C2CD3: variants seen among roughly 807,000 people sequenced by gnomAD.
C2CD3 encodes the protein C2 domain-containing protein 3.
Under a neutral mutation model 234.0 loss-of-function variants are expected in C2CD3, and 148 were observed. That is an observed-to-expected ratio of 0.63 (90% CI 0.55 to 0.72). The LOEUF is 0.72. Ranked by LOEUF, C2CD3 falls within the 30% of genes least tolerant of loss-of-function variation. C2CD3 has a pLI of 0.00. For missense variants in C2CD3, 2,577 were observed against 2,811.5 expected (o/e 0.92, Z 1.89); for synonymous variants, 1,000 against 1,035.4 (o/e 0.97, Z 0.66).
chr11:74,034,539 T>C, intron 30 of C2CD3: 1 of 1,613,120 alleles, frequency 6.2e-7, no homozygotes, highest in South Asian at 1.1e-5. Context: ...TATCTGCTCA[T>C]GCTCAGGAAT....
chr11:74,023,522 C>T (rs2135404276), intron 32 of C2CD3, among the ~76,000 whole-genome samples: 1 of 152,356 alleles, frequency 6.6e-6, no homozygotes, highest in Middle Eastern at 3.4e-3. Context: ...GAAACCCTAC[C>T]ACCAATCTCT....
rs747138591 is a variant in C2CD3, at chr11:74,139,835, G to C, written c.484-7C>G. ...GTTCCAGGGCAAGTGAGACCTAAGAGAGACAGGTAGTATATGAGAAATTTT... is the reference window on the plus strand; with the variant it reads ...GTTCCAGGGCAAGTGAGACCTAAGACAGACAGGTAGTATATGAGAAATTTT... On this transcript the variant is annotated splice_polypyrimidine_tract_variant and splice_region_variant and intron_variant, in intron 3 of 32. Transcript: ENST00000334126. 1.7e-5 allele frequency: 27 copies of C among 1,556,646 alleles called. No individual in the cohort carries two copies. The highest frequency in any genetic ancestry group is 2.4e-5 in the Non-Finnish European group (27 of 1,127,966).
chr11:74,146,458 T>C (rs911090394), intron 3 of C2CD3, among the ~76,000 whole-genome samples: 1 of 152,170 alleles, frequency 6.6e-6, no homozygotes, highest in Non-Finnish European at 1.5e-5. Flanking sequence ...TGAGAACTTT[T>C]ATGTAAGGGA....
chr11:74,132,990 A>G lies in C2CD3; in HGVS notation c.1089-18T>C. On this transcript the variant is annotated intron_variant, in intron 6 of 32. Transcript: ENST00000334126. ...CTCTGATCCTAAGGTGTGGAAAAAT[A>G]CTTTCTCACTGAGTGGCTAACAGAT... is the stretch of plus-strand genomic sequence containing the variant. 2 of 1,612,280 alleles carry G rather than the reference A, an allele frequency of 1.2e-6. No individual in the cohort carries two copies. The highest frequency in any genetic ancestry group is 1.7e-6 in the Non-Finnish European group (2 of 1,178,970).
At chr11:74,122,918 T>TGTCAA (rs1957267650) in intron 8 of C2CD3, 70 bp downstream of exon 8, 1 of 595,798 alleles carries the variant, frequency 1.7e-6, no homozygotes, top group Non-Finnish European at 2.4e-6. Flanking sequence ...ATAGCTGTCA[T>TGTCAA]GCCTGCAGCT....
intron 8 of C2CD3, among the ~76,000 whole-genome samples, chr11:74,121,867 A>G (rs1565318954): frequency 6.6e-6 from 1 of 152,104 alleles, no homozygotes; most frequent in Non-Finnish European, 1.5e-5. Context: ...AACAGTTCCT[A>G]ATGTCTTTCC....
intron 5 of C2CD3, among the ~76,000 whole-genome samples, chr11:74,138,397 A>C (rs1957938028): frequency 6.6e-6 from 1 of 152,214 alleles, no homozygotes; most frequent in African/African-American, 2.4e-5. Context: ...CGAGACAAAA[A>C]CCTTACCTGC....
In C2CD3 at chr11:74,103,564, C is replaced by T; in HGVS notation, c.2147G>A (p.Gly716Asp). ...DFTGINTKLS[G>D]NTHYTPLCAP... ...ACAAAGTGGGGTATAATGGGTGTTGCCACTTAACTTAGTATTGATACCAGT... is the reference window on the plus strand; with the variant it reads ...ACAAAGTGGGGTATAATGGGTGTTGTCACTTAACTTAGTATTGATACCAGT... Residue 716 changes from glycine to aspartate, a missense_variant, in exon 14 of 33, where the codon GGC becomes GAC. Gly to Asp is a moderately conservative substitution (Grantham distance 94, BLOSUM62 -1). Coordinates refer to ENST00000334126, the MANE Select transcript of C2CD3 (RefSeq NM_001286577.2). 1.2e-6 allele frequency: 2 copies of T among 1,613,326 alleles called. No homozygotes were observed. Among genetic ancestry groups the T allele is most frequent in the Non-Finnish European group, 1.7e-6 (2 of 1,179,650 alleles).
intron 2 of C2CD3, among the ~76,000 whole-genome samples, chr11:74,167,047 T>TG (rs1856858051): frequency 6.6e-6 from 1 of 152,064 alleles, no homozygotes; most frequent in South Asian, 2.1e-4. Context: ...ATCTAGAAAA[T>TG]GGAAGGGCAA....
chr11:74,157,445 A>T (rs1856107246), intron 3 of C2CD3, among the ~76,000 whole-genome samples: 1 of 152,240 alleles, frequency 6.6e-6, no homozygotes, highest in African/African-American at 2.4e-5. Context: ...TTCACCCTTA[A>T]GTCATCAATA....
Position 74,091,133 on chromosome 11 carries a change from T to C in C2CD3, c.3518-197A>G, listed in dbSNP as rs547384449. Among the ~76,000 whole-genome samples the C allele has an allele frequency of 3.3e-5, 5 of 152,334 alleles. No homozygotes were observed. In the South Asian group the frequency reaches 1.0e-3, roughly 32 times the overall value. On this transcript the variant is annotated intron_variant, in intron 19 of 32. Transcript: ENST00000334126. ...AAGGTTTAACAGGTTACTAATTTAC[T>C]TTACATTCAAGAAATTATGGTTCAG...
chr11:74,110,033 A>G (rs984239742), intron 11 of C2CD3, among the ~76,000 whole-genome samples: 8 of 146,418 alleles, frequency 5.5e-5, no homozygotes, highest in African/African-American at 2.1e-4. Flanking sequence ...GTGAGCCTAG[A>G]GCACACCACT....
chr11:74,166,882 G>A (rs887805036), intron 2 of C2CD3, among the ~76,000 whole-genome samples: 1 of 152,132 alleles, frequency 6.6e-6, no homozygotes, highest in African/African-American at 2.4e-5. Flanking sequence ...TGACAGGTAA[G>A]TGCTATTTTT....
chr11:74,035,660 C>T (rs1952705079), intron 30 of C2CD3, among the ~76,000 whole-genome samples: 1 of 151,976 alleles, frequency 6.6e-6, no homozygotes, highest in South Asian at 2.1e-4. Flanking sequence ...GTAAAAACAG[C>T]ATACTGAGGC....
At chr11:74,079,389 GGTTT>G (rs1347678563) in intron 22 of C2CD3, among the ~76,000 whole-genome samples, 2 of 151,904 alleles carry the variant, frequency 1.3e-5, no homozygotes, top group African/African-American at 2.4e-5. Context: ...AAGGTTTGTG[GGTTT>G]GTTTGTTTTT....
rs1254172414 is a variant in C2CD3, at chr11:74,095,372, A to T, written c.3016T>A (p.Phe1006Ile). 2 of 1,613,690 alleles carry T rather than the reference A, an allele frequency of 1.2e-6. No homozygotes were observed. The highest frequency in any genetic ancestry group is 1.7e-6 in the Non-Finnish European group (2 of 1,179,696). The change falls in exon 17 of 33, where the codon TTT becomes ATT. Residue 1006 changes from phenylalanine to isoleucine, a missense_variant. Coordinates refer to ENST00000334126, the MANE Select transcript of C2CD3 (RefSeq NM_001286577.2). ...DRGNGLMEHC[F>I]EIHIEMVKGL... ...TTAACCATCTCTATATGGATCTCAA[A>T]GCAGTGCTCCATCAGTCCATTTCCT...
Position 74,168,528 on chromosome 11 carries a change from T to G in C2CD3, c.141A>C (p.Arg47Ser). The part of the protein sequence containing the change: ...LRCFLKLTVN[R>S]VIWKIAKPPT... Reference sequence around the variant, plus strand: ...GAGGCTTTGCAATCTTCCATATGACTCTATTAACAGTAAGTTTTAGAAAAC... The same window carrying G: ...GAGGCTTTGCAATCTTCCATATGACGCTATTAACAGTAAGTTTTAGAAAAC... Residue 47 changes from arginine to serine, a missense_variant, in exon 2 of 33, where the codon AGA (arginine) becomes AGC (serine). Coordinates refer to ENST00000334126, the MANE Select transcript of C2CD3 (RefSeq NM_001286577.2). 1.2e-6 allele frequency: 2 copies of G among 1,614,182 alleles called. No homozygotes were observed. The highest frequency in any genetic ancestry group is 1.7e-6 in the Non-Finnish European group (2 of 1,179,998).
At chr11:74,023,297 A>T (rs1406142685) in intron 32 of C2CD3, among the ~76,000 whole-genome samples, 1 of 152,218 alleles carries the variant, frequency 6.6e-6, no homozygotes, top group East Asian at 1.9e-4. Flanking sequence ...TTAGTATAGC[A>T]GTCCTAGGAC....
chr11:74,081,896 G>T (rs1376972881), intron 22 of C2CD3, among the ~76,000 whole-genome samples: 5 of 151,852 alleles, frequency 3.3e-5, no homozygotes, highest in Non-Finnish European at 7.4e-5. Context: ...AGACGATGGG[G>T]TTTTTTTTCT....
Sources: allele counts gnomAD v4.1 joint callset (sites outside exome capture counted in the v4.1 genomes callset), GRCh38; gene constraint gnomAD v4.1.1; transcripts MANE v1.5; gene names NCBI Gene and HGNC (gene_info 2026-07-23, HGNC 2026-07-21).